Variants in SLK observed in about 807,000 individuals in gnomAD.
SLK encodes the protein STE20-like serine/threonine-protein kinase.
In SLK, 67 loss-of-function variants were observed where a neutral mutation model predicts 147.7. The ratio of observed to expected loss-of-function variants is 0.45; its 90% CI spans 0.37 to 0.56. The LOEUF (loss-of-function observed/expected upper bound fraction) is 0.56. Among genes scored for constraint, SLK ranks in the 20% least tolerant of loss-of-function variants. The pLI is 0.00. For synonymous variants in SLK, 441 were observed against 475.0 expected, an observed-to-expected ratio of 0.93 and a Z score of 0.93; for missense variants, 1,136 against 1,438.8, an observed-to-expected ratio of 0.79 and a Z score of 3.41.
intron 1 of SLK, among the ~76,000 whole-genome samples, chr10:103,981,791 A>G (rs1843946887): frequency 6.6e-6 from 1 of 152,000 alleles, no homozygotes; most frequent in Admixed American, 6.6e-5. Context: ...TTCTTTTTCA[A>G]GATTATTTTG....
At chr10:103,999,979 A>AT in intron 7 of SLK, 31 bp downstream of exon 7, 11 of 954,942 alleles carry the variant, frequency 1.2e-5, no homozygotes, top group African/African-American at 1.8e-5. Flanking sequence ...CAAATAATAT[A>AT]ATTATTTTAA....
intron 3 of SLK, 135 bp downstream of exon 3, chr10:103,992,781 T>TTCTGTTC: frequency 1.4e-6 from 1 of 738,592 alleles, no homozygotes; most frequent in Non-Finnish European, 2.1e-6. Flanking sequence ...AGTATGTTTT[T>TTCTGTTC]ATATTCTTGG....
chr10:104,003,417 G>T lies in SLK; in HGVS notation c.2239G>T (p.Asp747Tyr). ...PPESENPKEN[D>Y]NDSGTGSTAD... ...AGAATCTGAGAATCCAAAGGAAAAT[G>T]ATAATGATTCAGGCACTGGTTCCAC... The change falls in exon 9 of 19, where the codon GAT becomes TAT. Residue 747 changes from aspartate to tyrosine, a missense_variant. Asp to Tyr is a radical substitution (Grantham distance 160). Transcript: ENST00000369755. The T allele has an allele frequency of 5.0e-6, 8 of 1,613,974 alleles. No individual in the cohort carries two copies. Among genetic ancestry groups the T allele is most frequent in the Non-Finnish European group, 6.8e-6 (8 of 1,179,892 alleles).
intron 4 of SLK, among the ~76,000 whole-genome samples, chr10:103,997,260 C>T (rs1485883025): frequency 6.6e-6 from 1 of 152,178 alleles, no homozygotes; most frequent in African/African-American, 2.4e-5. Context: ...CAAGTCTTCC[C>T]CTTTTAAGAT....
rs1844081547 is a variant in SLK at position 103,990,728 on chromosome 10, A to G, written c.204A>G (p.Lys68=). ...VLAAAKVIDT[K]SEEELEDYMV... is the part of the protein sequence containing the mutation. Reference sequence around the variant, plus strand: ...CTGCTGCAAAAGTGATTGACACTAAATCTGAAGAAGAACTTGAAGATTACA... The same window carrying G: ...CTGCTGCAAAAGTGATTGACACTAAGTCTGAAGAAGAACTTGAAGATTACA... Residue 68 remains lysine (K), a synonymous_variant, in exon 2 of 19, where the codon AAA becomes AAG. Coordinates refer to ENST00000369755, the MANE Select transcript of SLK (RefSeq NM_014720.4). 1 of 1,574,326 alleles carries G rather than the reference A, an allele frequency of 6.4e-7. No homozygotes were observed. Among genetic ancestry groups the G allele is most frequent in the Non-Finnish European group, 8.6e-7 (1 of 1,163,238 alleles).
chr10:103,983,329 T>C (rs1223789494), intron 1 of SLK, among the ~76,000 whole-genome samples: 1 of 152,214 alleles, frequency 6.6e-6, no homozygotes, highest in Non-Finnish European at 1.5e-5. Context: ...TGCGGTTTCC[T>C]CTCTCTTCAC....
In SLK at chr10:104,011,562, CT is replaced by C. The variant is rs763549049; in HGVS notation, c.2877+668del. Among the ~76,000 whole-genome samples, 613 of 132,562 alleles carry C rather than the reference CT, an allele frequency of 4.6e-3. 1 individual carries two copies. Among genetic ancestry groups the C allele is most frequent in the African/African-American group, 6.5e-3 (221 of 34,176 alleles). The allele number at this position is 132,562 out of a possible 152,430, so 87.0% of individuals were successfully genotyped here. On this transcript the variant is annotated intron_variant, in intron 13 of 18. Coordinates refer to ENST00000369755, the MANE Select transcript of SLK (RefSeq NM_014720.4). ...AGCCTTGTCATAAGATGGGTGAATT[CT>C]TTTTTTTTTTTTTGGTGAATTGGAG... is the stretch of plus-strand genomic sequence containing the variant.
At chr10:104,022,722 C>G (rs1396191466) in intron 18 of SLK, among the ~76,000 whole-genome samples, 1 of 152,212 alleles carries the variant, frequency 6.6e-6, no homozygotes, top group Non-Finnish European at 1.5e-5. Context: ...ATTCCTCTGC[C>G]TCAGCCCCCC....
chr10:104,005,926 G>A lies in SLK; in HGVS notation c.2495G>A (p.Arg832Gln). The A allele has an allele frequency of 2.5e-6, 4 of 1,609,180 alleles. No individual in the cohort carries two copies. Among genetic ancestry groups the A allele is most frequent in the Non-Finnish European group, 3.4e-6 (4 of 1,178,830 alleles). Residue 832 changes from arginine to glutamine, a missense_variant, in exon 11 of 19, where the codon CGG (arginine) becomes CAG (glutamine). Arg to Gln is a conservative substitution (Grantham distance 43). This residue lies in a region of SLK where 21 missense variants were observed against 69.9 expected (regional missense o/e 0.30). Transcript: ENST00000369755. ...AATTTTATCAGACGTCAGGAACTTCGGGAATTAAGATTTCTTCAGAAAGAA... is the reference window on the plus strand; with the variant it reads ...AATTTTATCAGACGTCAGGAACTTCAGGAATTAAGATTTCTTCAGAAAGAA... ...ELRFLRRQEL[R>Q]ELRFLQKEEQ... is the part of the protein sequence containing the mutation.
At chr10:104,017,718 G>C (rs1225126305) in intron 13 of SLK, among the ~76,000 whole-genome samples, 2 of 152,168 alleles carry the variant, frequency 1.3e-5, no homozygotes, top group African/African-American at 4.8e-5. Context: ...GACCTCAAGA[G>C]AACCACCCGT....
chr10:104,022,631 A>G (rs1279159458), intron 18 of SLK, among the ~76,000 whole-genome samples: 3 of 152,190 alleles, frequency 2.0e-5, no homozygotes, highest in Non-Finnish European at 4.4e-5. Context: ...TTGTTTAGAC[A>G]GAGTCTCACT....
chr10:103,968,341 C>G (rs188876857), intron 1 of SLK, among the ~76,000 whole-genome samples: 49 of 152,310 alleles, frequency 3.2e-4, no homozygotes, highest in African/African-American at 1.2e-3. Context: ...AGAGCTAATA[C>G]AGAACTAGTT....
chr10:103,992,933 A>T, intron 3 of SLK, 51 bp from the exon 4 acceptor site: 1 of 1,365,290 alleles, frequency 7.3e-7, no homozygotes, highest in Non-Finnish European at 1.0e-6. Flanking sequence ...GCCTGCTAAT[A>T]TGTTTTCACT....
In SLK at chr10:104,003,490, T is replaced by C; in HGVS notation, c.2312T>C (p.Leu771Pro). 6.3e-7 allele frequency: 1 copy of C among 1,597,946 alleles called. No homozygotes were observed. The highest frequency in any genetic ancestry group is 1.4e-5 in the African/African-American group (1 of 74,002). The part of the protein sequence containing the change: ...IDLNLSISSF[L>P]SKTKDSGSIS... ...TTGAATTTATCCATCTCTAGCTTTC[T>C]AAGTAAAACTAAAGACAGTGGATCG... The change falls in exon 9 of 19, where the codon CTA becomes CCA. Residue 771 changes from leucine to proline, a missense_variant. Transcript: ENST00000369755.
intron 1 of SLK, among the ~76,000 whole-genome samples, chr10:103,980,435 A>C (rs1388555083): frequency 6.6e-6 from 1 of 152,138 alleles, no homozygotes. Flanking sequence ...CTGTCTGTCC[A>C]TCATGCCTCT....
chr10:103,991,880 C>T (rs1306852088), intron 2 of SLK, among the ~76,000 whole-genome samples: 1 of 151,826 alleles, frequency 6.6e-6, no homozygotes, highest in African/African-American at 2.4e-5. Context: ...GCAAATGAAC[C>T]CATAGACTAG....
At chr10:104,016,178 G>A (rs764037127) in intron 13 of SLK, among the ~76,000 whole-genome samples, 8 of 152,058 alleles carry the variant, frequency 5.3e-5, no homozygotes, top group Non-Finnish European at 8.8e-5. Flanking sequence ...AATTAGCTGG[G>A]CGTGGTGGTG....
chr10:103,982,202 G>A (rs908100095), intron 1 of SLK, among the ~76,000 whole-genome samples: 4 of 151,990 alleles, frequency 2.6e-5, no homozygotes, highest in Admixed American at 2.6e-4. Flanking sequence ...GTCTTTTTGT[G>A]TTCTGTTTTT....
At chr10:103,969,058 T>G (rs1048014085) in intron 1 of SLK, among the ~76,000 whole-genome samples, 18 of 151,982 alleles carry the variant, frequency 1.2e-4, no homozygotes, top group African/African-American at 4.3e-4. Flanking sequence ...AACCTCCCCC[T>G]CCCGGGTTCA....
Sources: gnomAD v4.1 joint callset for allele counts (sites outside exome capture counted in the v4.1 genomes callset) on GRCh38, gnomAD v4.1.1 for gene constraint, gnomAD v4.1.1 regional missense constraint, MANE v1.5 for transcripts, NCBI Gene and HGNC (gene_info 2026-07-23, HGNC 2026-07-21) for gene names.